LIN54: variants seen among roughly 807,000 people sequenced by gnomAD.
The protein encoded by LIN54 is protein lin-54 homolog.
Under a neutral mutation model 78.7 loss-of-function variants are expected in LIN54, and 9 were observed. The ratio of observed to expected loss-of-function variants is 0.11; its 90% CI spans 0.07 to 0.20. LIN54 has a LOEUF of 0.20. Ranked by LOEUF, LIN54 falls within the 10% of genes least tolerant of loss-of-function variation. LIN54 has a pLI of 1.00. For missense variants in LIN54, 573 were observed against 889.9 expected, an observed-to-expected ratio of 0.64 and a Z score of 4.53; for synonymous variants, 269 against 318.4, an observed-to-expected ratio of 0.84 and a Z score of 1.65.
At chr4:82,941,759 C>T (rs901627319) in intron 5 of LIN54, among the ~76,000 whole-genome samples, 3 of 151,870 alleles carry the variant, frequency 2.0e-5, no homozygotes, top group African/African-American at 7.3e-5. Context: ...TAGGTATAAG[C>T]GAAGAAAATG....
At position 83,006,866 on chromosome 4, in the gene LIN54, G is replaced by A. The variant is rs889078284; in HGVS notation, c.-33+3618C>T. On this transcript the variant is annotated intron_variant, in intron 1 of 12. Coordinates refer to ENST00000340417, the MANE Select transcript of LIN54 (RefSeq NM_194282.4). ...CATAATAAAAAGAAATGGGCCAGGC[G>A]TGATGGCTCACATCGGTAATCCTAG... 4.6e-5 allele frequency among the ~76,000 whole-genome samples: 7 copies of A among 152,214 alleles called. No homozygotes were observed. The South Asian group carries it at 6.2e-4, about 14-fold the overall frequency.
chr4:82,970,822 A>G (rs1462357338), intron 3 of LIN54, among the ~76,000 whole-genome samples: 1 of 152,182 alleles, frequency 6.6e-6, no homozygotes, highest in Admixed American at 6.5e-5. Flanking sequence ...TAAAACTTCA[A>G]TCTCTGTATT....
chr4:82,944,369 TATC>T (rs970036037), intron 5 of LIN54, among the ~76,000 whole-genome samples: 6 of 152,166 alleles, frequency 3.9e-5, no homozygotes, highest in Non-Finnish European at 8.8e-5. Flanking sequence ...GACTGCTTTC[TATC>T]ATCATCATCA....
intron 4 of LIN54, among the ~76,000 whole-genome samples, chr4:82,950,181 A>G (rs1723745715): frequency 6.6e-6 from 1 of 152,072 alleles, no homozygotes; most frequent in Non-Finnish European, 1.5e-5. Context: ...TTCCGATTTC[A>G]CCAGTTTTCA....
chr4:82,957,939 A>C (rs1195785643), intron 4 of LIN54, among the ~76,000 whole-genome samples: 3 of 152,184 alleles, frequency 2.0e-5, no homozygotes, highest in Non-Finnish European at 2.9e-5. Flanking sequence ...AAGAAGGAAT[A>C]CCAGGACTTC....
At chr4:82,932,939 G>A (rs1485457942) in intron 11 of LIN54, among the ~76,000 whole-genome samples, 1 of 152,004 alleles carries the variant, frequency 6.6e-6, no homozygotes, top group Non-Finnish European at 1.5e-5. Context: ...TTTGTTAGCT[G>A]TGTTTTCTTC....
At chr4:82,995,130 C>A (rs1490987955) in intron 1 of LIN54, among the ~76,000 whole-genome samples, 1 of 151,636 alleles carries the variant, frequency 6.6e-6, no homozygotes, top group Non-Finnish European at 1.5e-5. Flanking sequence ...TTCTTCTCTA[C>A]AAAAAAATAA....
chr4:82,988,211 T>C (rs1727339783), intron 1 of LIN54, among the ~76,000 whole-genome samples: 1 of 152,188 alleles, frequency 6.6e-6, no homozygotes, highest in South Asian at 2.1e-4. Flanking sequence ...TCACTAAAGA[T>C]TATTTGTCTT....
chr4:82,973,509 G>T (rs1725857839), intron 3 of LIN54, among the ~76,000 whole-genome samples: 1 of 152,104 alleles, frequency 6.6e-6, no homozygotes. Context: ...AATTTCTGTT[G>T]TCAGGTATTC....
chr4:82,991,620 T>C (rs1166030066), intron 1 of LIN54, among the ~76,000 whole-genome samples: 4 of 152,240 alleles, frequency 2.6e-5, no homozygotes, highest in African/African-American at 4.8e-5. Context: ...CTGTTAGTTA[T>C]AGGTTTCCAT....
At chr4:82,954,210 T>C (rs1169568254) in intron 4 of LIN54, among the ~76,000 whole-genome samples, 3 of 151,892 alleles carry the variant, frequency 2.0e-5, no homozygotes, top group African/African-American at 7.3e-5. Flanking sequence ...AGGAAAAACA[T>C]TATATAGAAC....
chr4:83,011,731 C>T (rs569106216), upstream of LIN54, among the ~76,000 whole-genome samples: 1 of 148,302 alleles, frequency 6.7e-6, no homozygotes, highest in East Asian at 2.0e-4. Context: ...GAATAAGTAA[C>T]CAAAAGAGAA....
intron 1 of LIN54, among the ~76,000 whole-genome samples, chr4:82,986,810 C>A (rs1185064247): frequency 6.6e-6 from 1 of 151,412 alleles, no homozygotes; most frequent in Admixed American, 6.6e-5. Context: ...CCAAAATAAA[C>A]CATCATTATT....
At chr4:82,957,433 T>C (rs527988960) in intron 4 of LIN54, among the ~76,000 whole-genome samples, 2 of 152,320 alleles carry the variant, frequency 1.3e-5, no homozygotes, top group African/African-American at 4.8e-5. Context: ...CCCAAGAGTC[T>C]CCATTTAATG....
chr4:82,980,568 TAA>T (rs11305254), intron 2 of LIN54, among the ~76,000 whole-genome samples: 8 of 151,926 alleles, frequency 5.3e-5, no homozygotes, highest in Admixed American at 2.0e-4. Context: ...ACAAATCACT[TAA>T]AAAAAAACAT....
At position 82,983,156 on chromosome 4, in the gene LIN54, C is replaced by T. The variant is rs576029725; in HGVS notation, c.684+1005G>A. Among the ~76,000 whole-genome samples, 12 of 152,084 alleles carry T rather than the reference C, an allele frequency of 7.9e-5. No homozygotes were observed. In the South Asian group the frequency reaches 1.5e-3, roughly 18 times the overall value. On this transcript the variant is annotated intron_variant, in intron 2 of 12. Transcript: ENST00000340417. ...CTGAGTAGCTGGGATTATAGGCACT[C>T]GCCACCATGCCTGGCTAATTTTTTG...
At chr4:82,933,611 G>A (rs1722148953) in intron 11 of LIN54, among the ~76,000 whole-genome samples, 1 of 152,212 alleles carries the variant, frequency 6.6e-6, no homozygotes. Context: ...CTAATTTACA[G>A]CCAACTAGCC....
chr4:82,989,684 C>A (rs1362691438), intron 1 of LIN54, among the ~76,000 whole-genome samples: 1 of 152,162 alleles, frequency 6.6e-6, no homozygotes, highest in Non-Finnish European at 1.5e-5. Context: ...CTCTTTAAAG[C>A]ACCTGAAATT....
intron 1 of LIN54, among the ~76,000 whole-genome samples, chr4:83,004,182 G>A (rs1729095472): frequency 6.6e-6 from 1 of 152,000 alleles, no homozygotes; most frequent in South Asian, 2.1e-4. Flanking sequence ...CAGATTGCGA[G>A]GTCAGGAGTT....
Sources: allele counts gnomAD v4.1 joint callset (sites outside exome capture counted in the v4.1 genomes callset), GRCh38; gene constraint gnomAD v4.1.1; transcripts MANE v1.5; gene names NCBI Gene and HGNC (gene_info 2026-07-23, HGNC 2026-07-21).